Variants in FMN1 observed in about 807,000 individuals in gnomAD.
FMN1 encodes formin-1.
A neutral mutation model predicts 132.4 loss-of-function variants in FMN1; 110 were observed. The observed-to-expected ratio is 0.83, with a 90% CI of 0.71 to 0.97. The LOEUF (loss-of-function observed/expected upper bound fraction) is 0.97. FMN1 is among the 50% of genes least tolerant of loss of function. The pLI is 0.00. For missense variants in FMN1, 1,792 were observed against 1,705.3 expected (o/e 1.05, Z -0.90); for synonymous variants, 722 against 651.7 (o/e 1.11, Z -1.64).
chr15:33,092,833 G>A lies in FMN1; in HGVS notation c.1868-3859C>T, dbSNP rs550693565. On this transcript the variant is annotated intron_variant, in intron 4 of 20. Transcript: ENST00000616417. Reference sequence around the variant, plus strand: ...TTCAGCTGAGGGCTTAAACACAACAGTGTTTTTGTTTTGTAACTTGTACTG... The same window carrying A: ...TTCAGCTGAGGGCTTAAACACAACAATGTTTTTGTTTTGTAACTTGTACTG... Among the ~76,000 whole-genome samples, 45 of 152,270 alleles carry A rather than the reference G, an allele frequency of 3.0e-4. No individual in the cohort carries two copies. In the Middle Eastern group the frequency reaches 0.027, roughly 93 times the overall value.
In FMN1 at chr15:33,020,838, T is replaced by C. The variant is rs556439617; in HGVS notation, c.2162-12763A>G. Among the ~76,000 whole-genome samples, 254 of 152,346 alleles carry C rather than the reference T, an allele frequency of 1.7e-3. 1 individual carries two copies. The highest frequency in any genetic ancestry group is 2.9e-3 in the Non-Finnish European group (195 of 68,026). On this transcript the variant is annotated intron_variant, in intron 6 of 20. Coordinates refer to ENST00000616417, the MANE Select transcript of FMN1 (RefSeq NM_001277313.2). Reference sequence around the variant, plus strand: ...CATTTATATTCCAGTATTAGCCCTTTAAGCCTGTGTTTTCTTAAAAGACTT... The same window carrying C: ...CATTTATATTCCAGTATTAGCCCTTCAAGCCTGTGTTTTCTTAAAAGACTT...
chr15:32,765,792 G>A lies in FMN1; in HGVS notation c.*8518C>T, dbSNP rs958231761. 6.6e-6 allele frequency: 1 copy of A among 151,652 alleles called. No individual in the cohort carries two copies. Among genetic ancestry groups the A allele is most frequent in the African/African-American group, 2.4e-5 (1 of 41,246 alleles). The allele number at this position is 151,652 out of a possible 1,614,324, so 9.4% of individuals were successfully genotyped here. On this transcript the variant is annotated 3_prime_UTR_variant, in exon 21 of 21. Transcript: ENST00000616417. The stretch of plus-strand genomic sequence containing the variant: ...TATTGTGACCAAGTACTGTCAAGGA[G>A]GAAAAAATATATATATATAATACAC...
At chr15:33,091,526 T>C (rs902323661) in intron 4 of FMN1, among the ~76,000 whole-genome samples, 1 of 152,202 alleles carries the variant, frequency 6.6e-6, no homozygotes, top group Non-Finnish European at 1.5e-5. Context: ...CCATGATGCA[T>C]AATAATTTTG....
At chr15:32,776,954 G>C (rs928052142) in intron 19 of FMN1, 35 bp from the exon 20 acceptor site, 2 of 1,301,314 alleles carry the variant, frequency 1.5e-6, no homozygotes, top group Non-Finnish European at 1.1e-6. Context: ...AGGGGAGAGA[G>C]GGAAAAGAAA....
intron 9 of FMN1, among the ~76,000 whole-genome samples, chr15:32,927,204 G>GTTA (rs1207244754): frequency 1.3e-5 from 2 of 151,698 alleles, no homozygotes; most frequent in Non-Finnish European, 2.9e-5. Context: ...CTTCCTATTT[G>GTTA]TTATTATTAA....
rs74965119 is a variant in FMN1, at chr15:32,816,254, C to T, written c.3929-11922G>A. 2.1e-3 allele frequency among the ~76,000 whole-genome samples: 326 copies of T among 152,174 alleles called. 2 individuals are homozygous for T. Among genetic ancestry groups the T allele is most frequent in the African/African-American group, 7.3e-3 (305 of 41,506 alleles). ...CTTCCTAGACCCACATACCACAAAA[C>T]GTGCTTGCAAAAAATATCACGGGAA... On this transcript the variant is annotated intron_variant, in intron 17 of 20. Transcript: ENST00000616417.
intron 9 of FMN1, among the ~76,000 whole-genome samples, chr15:32,938,949 A>G (rs1482314778): frequency 6.6e-6 from 1 of 152,198 alleles, no homozygotes; most frequent in Non-Finnish European, 1.5e-5. Context: ...GCTAAATAAG[A>G]CGAAAAAAGA....
rs922200550 is a variant in FMN1 at position 32,772,059 on chromosome 15, G to C, written c.*2251C>G. On this transcript the variant is annotated 3_prime_UTR_variant, in exon 21 of 21. Coordinates refer to ENST00000616417, the MANE Select transcript of FMN1 (RefSeq NM_001277313.2). ...CCACTAGGTTTCCCCAACCGAGGCA[G>C]GCAAACCTTGCTTTGTAGAAATAGG... The C allele has an allele frequency of 6.6e-6, 1 of 152,176 alleles. No homozygotes were observed. Among genetic ancestry groups the C allele is most frequent in the African/African-American group, 2.4e-5 (1 of 41,434 alleles). 9.4% of individuals were successfully genotyped at this position (152,176 alleles called of 1,614,324 possible).
At chr15:33,115,852 T>C (rs2039903125) in intron 4 of FMN1, among the ~76,000 whole-genome samples, 2 of 152,148 alleles carry the variant, frequency 1.3e-5, no homozygotes, top group South Asian at 2.1e-4. Context: ...TTATTAACCT[T>C]AGCAGCTTCC....
chr15:32,767,400 A>C lies in FMN1; in HGVS notation c.*6910T>G, dbSNP rs2056084253. On this transcript the variant is annotated 3_prime_UTR_variant, in exon 21 of 21. Coordinates refer to ENST00000616417, the MANE Select transcript of FMN1 (RefSeq NM_001277313.2). ...TCTGCTAGGTCTGATTCATACTAGG[A>C]TGTTGACTGCCTTCACTCAGGTTCT... 6.6e-6 allele frequency: 1 copy of C among 152,188 alleles called. No homozygotes were observed. The highest frequency in any genetic ancestry group is 2.4e-5 in the African/African-American group (1 of 41,452). The allele number at this position is 152,188 out of a possible 1,614,324, so 9.4% of individuals were successfully genotyped here. A position where few individuals can be genotyped will look rare whatever the true frequency, so the allele number is the denominator to read the frequency against.
chr15:32,854,926 CAAAAAACAA>C (rs1203763431), intron 17 of FMN1, among the ~76,000 whole-genome samples: 1 of 147,062 alleles, frequency 6.8e-6, no homozygotes, highest in Non-Finnish European at 1.5e-5. Flanking sequence ...AAAAAAAAAA[CAAAAAACAA>C]ACAAAAAAAA....
chr15:33,141,308 A>G (rs1964000441), intron 4 of FMN1, among the ~76,000 whole-genome samples: 1 of 152,214 alleles, frequency 6.6e-6, no homozygotes, highest in African/African-American at 2.4e-5. Context: ...TCCACCTGAA[A>G]TAGATTTTTG....
chr15:32,774,411 T>A, intron 20 of FMN1, 57 bp from the exon 21 acceptor site: 1 of 1,459,902 alleles, frequency 6.8e-7, no homozygotes, highest in Non-Finnish European at 9.3e-7. Context: ...CAAGTTTTGA[T>A]ACATTTCTCA....
At chr15:32,908,411 T>C in intron 12 of FMN1, 79 bp downstream of exon 12, 1 of 911,268 alleles carries the variant, frequency 1.1e-6, no homozygotes, top group Non-Finnish European at 1.8e-6. Flanking sequence ...TTAGATTTGG[T>C]TATTCTGAGC....
At chr15:33,039,623 G>A (rs1267717658) in intron 6 of FMN1, among the ~76,000 whole-genome samples, 2 of 152,056 alleles carry the variant, frequency 1.3e-5, no homozygotes, top group Admixed American at 1.3e-4. Flanking sequence ...CCCAGGCCAG[G>A]CAAATAAATT....
At chr15:32,859,870 T>C (rs2059223383) in intron 16 of FMN1, among the ~76,000 whole-genome samples, 1 of 152,010 alleles carries the variant, frequency 6.6e-6, no homozygotes, top group Non-Finnish European at 1.5e-5. Context: ...ACCTTGTCTC[T>C]CAAAAAAAAT....
At chr15:33,106,840 C>T (rs2039506350) in intron 4 of FMN1, among the ~76,000 whole-genome samples, 1 of 152,058 alleles carries the variant, frequency 6.6e-6, no homozygotes, top group Non-Finnish European at 1.5e-5. Context: ...AAGCACTGCT[C>T]TAAATGTTTC....
chr15:32,987,428 A>T (rs768954402), intron 7 of FMN1, among the ~76,000 whole-genome samples: 3 of 152,174 alleles, frequency 2.0e-5, no homozygotes, highest in Non-Finnish European at 4.4e-5. Flanking sequence ...CTAAATATTT[A>T]GATCACTAGG....
At chr15:33,042,795 A>C (rs1438698922) in intron 6 of FMN1, among the ~76,000 whole-genome samples, 2 of 151,778 alleles carry the variant, frequency 1.3e-5, no homozygotes, top group Non-Finnish European at 2.9e-5. Context: ...TTTTTAAACA[A>C]AACACATCCC....
Sources: gnomAD v4.1 joint callset for allele counts (sites outside exome capture counted in the v4.1 genomes callset) on GRCh38, gnomAD v4.1.1 for gene constraint, MANE v1.5 for transcripts, NCBI Gene and HGNC (gene_info 2026-07-23, HGNC 2026-07-21) for gene names.